Variants in SLC35F3 observed in about 807,000 individuals in gnomAD.
The protein encoded by SLC35F3 is solute carrier family 35 member F3.
A neutral mutation model predicts 49.9 loss-of-function variants in SLC35F3; 25 were observed. That is an observed-to-expected ratio of 0.50 (90% CI 0.37 to 0.70). SLC35F3 has a LOEUF of 0.70. Among genes scored for constraint, SLC35F3 ranks in the 30% least tolerant of loss-of-function variants. SLC35F3 has a pLI of 0.00. For synonymous variants in SLC35F3, 275 were observed against 265.4 expected (o/e 1.04, Z -0.35); for missense variants, 525 against 639.8 (o/e 0.82, Z 1.94).
intron 2 of SLC35F3, among the ~76,000 whole-genome samples, chr1:234,140,641 T>A (rs978027274): frequency 1.3e-5 from 2 of 151,706 alleles, no homozygotes; most frequent in African/African-American, 4.9e-5. Context: ...CACACAAAAG[T>A]TCAGAAACGG....
At chr1:234,007,348 T>C (rs746147070) in intron 2 of SLC35F3, among the ~76,000 whole-genome samples, 1 of 152,130 alleles carries the variant, frequency 6.6e-6, no homozygotes, top group African/African-American at 2.4e-5. Flanking sequence ...GAGTGAGCCC[T>C]GGAGCTCTCT....
At chr1:234,159,023 T>TA (rs1209358782) in intron 2 of SLC35F3, among the ~76,000 whole-genome samples, 1 of 152,216 alleles carries the variant, frequency 6.6e-6, no homozygotes, top group Non-Finnish European at 1.5e-5. Flanking sequence ...ACTATTTTTT[T>TA]AATGGAACCC....
At chr1:234,272,052 G>T (rs61823425) in intron 3 of SLC35F3, among the ~76,000 whole-genome samples, 1 of 152,160 alleles carries the variant, frequency 6.6e-6, no homozygotes, top group Non-Finnish European at 1.5e-5. Context: ...TTTGAGCTCA[G>T]GATGCAGAGG....
At position 233,915,008 on chromosome 1, in the gene SLC35F3, G is replaced by A. The variant is rs145757252; in HGVS notation, c.283+9250G>A. On this transcript the variant is annotated intron_variant, in intron 2 of 7. Transcript: ENST00000366618. ...GACAGCATTTGAGATTGGAGGAAAC[G>A]AATTGCTCTCCTCAGGTGATTTGCA... 7.1e-3 allele frequency among the ~76,000 whole-genome samples: 1,077 copies of A among 152,304 alleles called. 14 individuals are homozygous for A. Among genetic ancestry groups the A allele is most frequent in the Middle Eastern group, 0.031 (9 of 294 alleles).
intron 2 of SLC35F3, among the ~76,000 whole-genome samples, chr1:234,118,842 T>G (rs1008614694): frequency 6.6e-6 from 1 of 152,146 alleles, no homozygotes; most frequent in African/African-American, 2.4e-5. Context: ...TTGCTTCTCC[T>G]TTAGTGACAA....
intron 2 of SLC35F3, among the ~76,000 whole-genome samples, chr1:233,969,609 C>G (rs1251441664): frequency 6.6e-6 from 1 of 152,204 alleles, no homozygotes; most frequent in East Asian, 1.9e-4. Flanking sequence ...ATAAAAGTCA[C>G]AAGTAATTAA....
At position 234,114,848 on chromosome 1, in the gene SLC35F3, C is replaced by CTTGAGATGCGGCGTGCAT. The variant is rs574875732; in HGVS notation, c.284-116548_284-116531dup. ...AAAACAGTATTTGGAAACGGGTCAT[C>CTTGAGATGCGGCGTGCAT]TTGAGATGCGGCGTGCATTTGAGAT... On this transcript the variant is annotated intron_variant, in intron 2 of 7. Transcript: ENST00000366618. Among the ~76,000 whole-genome samples, 851 of 152,178 alleles carry CTTGAGATGCGGCGTGCAT rather than the reference C, an allele frequency of 5.6e-3. 6 individuals carry two copies. The highest frequency in any genetic ancestry group is 9.1e-3 in the Non-Finnish European group (616 of 67,994).
At chr1:233,908,879 G>T (rs904583052) in intron 2 of SLC35F3, among the ~76,000 whole-genome samples, 1 of 149,316 alleles carries the variant, frequency 6.7e-6, no homozygotes, top group Non-Finnish European at 1.5e-5. Context: ...TTTTTTAGAA[G>T]GAGTTTTGCT....
intron 2 of SLC35F3, among the ~76,000 whole-genome samples, chr1:233,918,996 G>T (rs1441443013): frequency 2.6e-5 from 4 of 152,050 alleles, no homozygotes; most frequent in Non-Finnish European, 5.9e-5. Context: ...AATGACAGAT[G>T]AATAAAATGT....
At chr1:234,276,084 C>T (rs928872855) in intron 3 of SLC35F3, among the ~76,000 whole-genome samples, 4 of 152,126 alleles carry the variant, frequency 2.6e-5, no homozygotes, top group African/African-American at 9.7e-5. Flanking sequence ...TAGGTAGTTG[C>T]TATGAGACCT....
chr1:234,194,294 G>A (rs193087885), intron 2 of SLC35F3, among the ~76,000 whole-genome samples: 257 of 152,274 alleles, frequency 1.7e-3, no homozygotes, highest in African/African-American at 5.7e-3. Flanking sequence ...TGGCATTTGC[G>A]CTACCTGGAT....
intron 2 of SLC35F3, among the ~76,000 whole-genome samples, chr1:234,126,374 G>C (rs35227080): frequency 0.22 from 33,086 of 152,052 alleles, 3,919 homozygotes; most frequent in Non-Finnish European, 0.27. Context: ...CTCAGTTACC[G>C]TTACCCAGTT....
chr1:234,084,255 TTG>T (rs978147383), intron 2 of SLC35F3, among the ~76,000 whole-genome samples: 1 of 143,756 alleles, frequency 7.0e-6, no homozygotes, highest in African/African-American at 2.7e-5. Context: ...ACACACAATT[TTG>T]TGTGTAGAGA....
chr1:234,023,907 C>T (rs1368928623), intron 2 of SLC35F3, among the ~76,000 whole-genome samples: 1 of 151,558 alleles, frequency 6.6e-6, no homozygotes, highest in East Asian at 1.9e-4. Flanking sequence ...GCCCTTGAAA[C>T]CAAAGAAAAT....
intron 2 of SLC35F3, among the ~76,000 whole-genome samples, chr1:234,155,114 T>C (rs1355892925): frequency 6.6e-6 from 1 of 152,200 alleles, no homozygotes; most frequent in Non-Finnish European, 1.5e-5. Context: ...ACTTCTATTA[T>C]TATTTATTGT....
At chr1:234,139,168 C>T (rs1028347644) in intron 2 of SLC35F3, among the ~76,000 whole-genome samples, 2 of 152,168 alleles carry the variant, frequency 1.3e-5, no homozygotes, top group Non-Finnish European at 2.9e-5. Context: ...ATATGATTCC[C>T]AAAGTGGCCA....
At chr1:234,259,621 C>T (rs1468592246) in intron 3 of SLC35F3, among the ~76,000 whole-genome samples, 1 of 151,990 alleles carries the variant, frequency 6.6e-6, no homozygotes, top group Non-Finnish European at 1.5e-5. Flanking sequence ...TTGCAGTGAG[C>T]GGAGATCGTG....
At chr1:234,162,979 T>C (rs1666253455) in intron 2 of SLC35F3, among the ~76,000 whole-genome samples, 1 of 152,228 alleles carries the variant, frequency 6.6e-6, no homozygotes, top group Admixed American at 6.5e-5. Context: ...TCTAAGAATG[T>C]TGATGGTAAA....
intron 2 of SLC35F3, among the ~76,000 whole-genome samples, chr1:234,006,857 T>A (rs1156660983): frequency 2.6e-5 from 4 of 152,152 alleles, no homozygotes; most frequent in Non-Finnish European, 4.4e-5. Flanking sequence ...GCTATTCACT[T>A]GTATATTAAG....
Sources: gnomAD v4.1 joint callset for allele counts (sites outside exome capture counted in the v4.1 genomes callset) on GRCh38, gnomAD v4.1.1 for gene constraint, MANE v1.5 for transcripts, NCBI Gene and HGNC (gene_info 2026-07-23, HGNC 2026-07-21) for gene names.